ARB2A: variants seen among roughly 807,000 people sequenced by gnomAD.
ARB2A encodes cotranscriptional regulator ARB2A.
chr5:93,694,830 C>T, the ARB2A span, among the ~76,000 whole-genome samples: 1 of 152,076 alleles, frequency 6.6e-6, no homozygotes, highest in Non-Finnish European at 1.5e-5. Context: ...GGTACTGGTA[C>T]CAAAACAGAT....
the ARB2A span, among the ~76,000 whole-genome samples, chr5:93,985,113 C>T: frequency 6.6e-6 from 1 of 152,158 alleles, no homozygotes; most frequent in African/African-American, 2.4e-5. Flanking sequence ...AAGGACAGTA[C>T]ACTAAACACT....
the ARB2A span, among the ~76,000 whole-genome samples, chr5:93,754,202 T>C: frequency 6.6e-6 from 1 of 152,240 alleles, no homozygotes; most frequent in East Asian, 1.9e-4. Context: ...TAGTCTTCCC[T>C]TCCTGCTTTA....
chr5:93,878,516 G>C, the ARB2A span, among the ~76,000 whole-genome samples: 1 of 151,728 alleles, frequency 6.6e-6, no homozygotes, highest in Non-Finnish European at 1.5e-5. Flanking sequence ...CTGCTCCTGG[G>C]GCAGGGTCCT....
the ARB2A span, among the ~76,000 whole-genome samples, chr5:93,990,925 C>T: frequency 6.6e-6 from 1 of 152,042 alleles, no homozygotes; most frequent in Non-Finnish European, 1.5e-5. Flanking sequence ...TGTGACCTTG[C>T]TACATTGAGA....
chr5:93,768,587 G>C, the ARB2A span, among the ~76,000 whole-genome samples: 1 of 151,684 alleles, frequency 6.6e-6, no homozygotes, highest in Non-Finnish European at 1.5e-5. Context: ...ATGTGTGTGT[G>C]TGTGTATATA....
the ARB2A span, among the ~76,000 whole-genome samples, chr5:93,773,339 A>T: frequency 6.6e-6 from 1 of 152,234 alleles, no homozygotes; most frequent in Non-Finnish European, 1.5e-5. Context: ...GATGGGTGAT[A>T]AATCCTGATT....
the ARB2A span, among the ~76,000 whole-genome samples, chr5:93,857,403 G>A: frequency 6.6e-6 from 1 of 152,176 alleles, no homozygotes; most frequent in Admixed American, 6.5e-5. Flanking sequence ...GCCTACAGAG[G>A]CAGGCAGGCC....
the ARB2A span, among the ~76,000 whole-genome samples, chr5:93,654,901 C>T: frequency 6.6e-6 from 1 of 152,188 alleles, no homozygotes. Flanking sequence ...CCTATCACCA[C>T]TCTGACTACT....
the ARB2A span, among the ~76,000 whole-genome samples, chr5:93,648,131 G>A: frequency 2.1e-5 from 3 of 143,370 alleles, no homozygotes; most frequent in African/African-American, 7.8e-5. Flanking sequence ...AGGTGACAGA[G>A]TGAGAACCTG....
At chr5:94,089,415 C>T in the ARB2A span, among the ~76,000 whole-genome samples, 1 of 152,128 alleles carries the variant, frequency 6.6e-6, no homozygotes, top group African/African-American at 2.4e-5. Flanking sequence ...ATTATCCACT[C>T]AGTTTGCTAG....
the ARB2A span, among the ~76,000 whole-genome samples, chr5:93,855,963 G>C: frequency 0.086 from 13,060 of 152,006 alleles, 760 homozygotes; most frequent in Middle Eastern, 0.15. Context: ...AAGCTGGACA[G>C]AGAATGACTT....
chr5:93,728,599 T>C, the ARB2A span, among the ~76,000 whole-genome samples: 1 of 151,988 alleles, frequency 6.6e-6, no homozygotes, highest in Non-Finnish European at 1.5e-5. Flanking sequence ...AACAGGCCAG[T>C]GGATCTGCTA....
the ARB2A span, among the ~76,000 whole-genome samples, chr5:93,985,177 G>A: frequency 2.0e-4 from 31 of 152,136 alleles, no homozygotes; most frequent in Non-Finnish European, 2.1e-4. Context: ...CAGACTAAAT[G>A]TGCTGTGTTA....
At chr5:93,756,469 C>T in the ARB2A span, among the ~76,000 whole-genome samples, 2 of 152,160 alleles carry the variant, frequency 1.3e-5, no homozygotes, top group Non-Finnish European at 2.9e-5. Context: ...TGACAGAGTC[C>T]CCTGCACACC....
the ARB2A span, among the ~76,000 whole-genome samples, chr5:94,087,278 C>T: frequency 6.6e-6 from 1 of 151,998 alleles, no homozygotes. Flanking sequence ...CATGGTGACG[C>T]GCTTTGTAAT....
At chr5:93,918,015 C>A in the ARB2A span, among the ~76,000 whole-genome samples, 6 of 152,186 alleles carry the variant, frequency 3.9e-5, no homozygotes, top group African/African-American at 1.4e-4. Flanking sequence ...CTTTCTTAAG[C>A]CACATTTATA....
chr5:94,059,604 G>T, the ARB2A span, among the ~76,000 whole-genome samples: 1 of 108,930 alleles, frequency 9.2e-6, no homozygotes, highest in African/African-American at 3.4e-5. Context: ...CTGGGTGACA[G>T]AGTGAGACTG....
At chr5:94,021,734 T>G in the ARB2A span, among the ~76,000 whole-genome samples, 14 of 152,144 alleles carry the variant, frequency 9.2e-5, no homozygotes, top group African/African-American at 3.4e-4. Flanking sequence ...CTACAGAAAC[T>G]TAAGGAACTC....
chr5:93,893,835 A>G, the ARB2A span, among the ~76,000 whole-genome samples: 1 of 152,162 alleles, frequency 6.6e-6, no homozygotes, highest in East Asian at 1.9e-4. Context: ...AATCACAAAA[A>G]TTGTATCATA....
Sources: allele counts gnomAD v4.1 joint callset (sites outside exome capture counted in the v4.1 genomes callset), GRCh38; gene constraint gnomAD v4.1.1; transcripts MANE v1.5; gene names NCBI Gene and HGNC (gene_info 2026-07-23, HGNC 2026-07-21).